Variants in GRM8 observed in about 807,000 individuals in gnomAD.
GRM8 encodes glutamate metabotropic receptor 8, also known as metabotropic glutamate receptor 8.
GRM8 carries 47 observed loss-of-function variants against 87.2 expected under a neutral mutation model. The observed-to-expected ratio is 0.54, with a 90% CI of 0.43 to 0.69. GRM8 has a LOEUF of 0.69. GRM8 is among the 30% of genes least tolerant of loss of function. The pLI is 0.00. For missense variants in GRM8, 1,019 were observed against 1,139.2 expected (o/e 0.89, Z 1.52); for synonymous variants, 396 against 404.5 (o/e 0.98, Z 0.25).
At position 126,816,900 on chromosome 7, in the gene GRM8, C is replaced by T. The variant is rs78362363; in HGVS notation, c.1157-46835G>A. 8.6e-4 allele frequency among the ~76,000 whole-genome samples: 131 copies of T among 152,112 alleles called. 5 individuals carry two copies. The highest frequency in any genetic ancestry group is 7.7e-4 in the East Asian group (4 of 5,188). ...TTTTTATCCATAGTCCTTCTATTCA[C>T]GCTTCCATTATATTTTGTTTGAAGA... On this transcript the variant is annotated intron_variant, in intron 6 of 10. Coordinates refer to ENST00000339582, the MANE Select transcript of GRM8 (RefSeq NM_000845.3).
At chr7:126,946,617 C>A (rs1420072456) in intron 3 of GRM8, among the ~76,000 whole-genome samples, 1 of 152,176 alleles carries the variant, frequency 6.6e-6, no homozygotes, top group Admixed American at 6.5e-5. Context: ...CTAGCCAAAG[C>A]TATTCTATAC....
chr7:127,121,423 C>T (rs1827077933), intron 2 of GRM8, among the ~76,000 whole-genome samples: 1 of 152,136 alleles, frequency 6.6e-6, no homozygotes, highest in Non-Finnish European at 1.5e-5. Flanking sequence ...CTCAAAGAAG[C>T]TCATTTCCCA....
At chr7:126,759,590 G>C (rs1012297868) in intron 7 of GRM8, among the ~76,000 whole-genome samples, 1 of 152,034 alleles carries the variant, frequency 6.6e-6, no homozygotes, top group East Asian at 1.9e-4. Context: ...ATACCCTGTT[G>C]GTTGGTGCTG....
chr7:126,615,673 G>A (rs2151120398), intron 7 of GRM8, among the ~76,000 whole-genome samples: 2 of 152,258 alleles, frequency 1.3e-5, no homozygotes, highest in South Asian at 4.1e-4. Context: ...TAAAGGGATG[G>A]AGGAAGATCT....
chr7:126,626,993 T>C lies in GRM8; in HGVS notation c.1358-17495A>G, dbSNP rs73224992. 6.3e-3 allele frequency among the ~76,000 whole-genome samples: 959 copies of C among 152,350 alleles called. 4 individuals are homozygous for C. Among genetic ancestry groups the C allele is most frequent in the Admixed American group, 0.013 (199 of 15,300 alleles). On this transcript the variant is annotated intron_variant, in intron 7 of 10. Transcript: ENST00000339582. ...TCTTTATATTGTCTTCCTAACCATG[T>C]GTATTGCTTGCTTCCATTATTTAGA...
chr7:126,854,996 T>A lies in GRM8; in HGVS notation c.1156+47546A>T, dbSNP rs564063403. Among the ~76,000 whole-genome samples, 13 of 152,320 alleles carry A rather than the reference T, an allele frequency of 8.5e-5. No individual in the cohort carries two copies. The East Asian group carries it at 2.5e-3, about 29-fold the overall frequency. On this transcript the variant is annotated intron_variant, in intron 6 of 10. Coordinates refer to ENST00000339582, the MANE Select transcript of GRM8 (RefSeq NM_000845.3). The stretch of plus-strand genomic sequence containing the variant: ...ATAGAAGTGGTGAAAGTGGGCATCC[T>A]TGTCTTGTTCCAGCTCTCAGGGGGA...
intron 1 of GRM8, among the ~76,000 whole-genome samples, chr7:127,250,396 C>G (rs571066946): frequency 3.0e-4 from 46 of 152,216 alleles, no homozygotes; most frequent in Admixed American, 8.5e-4. Context: ...ACAATCCAAA[C>G]AGAACAAATT....
Position 126,989,942 on chromosome 7 carries a change from C to A in GRM8, c.728-85259G>T, listed in dbSNP as rs888594193. ...CTCCAGCCTGGGTGACAGAGCAAGACCCTGACTCAAAAAAAAAATGGGGGA... is the reference window on the plus strand; with the variant it reads ...CTCCAGCCTGGGTGACAGAGCAAGAACCTGACTCAAAAAAAAAATGGGGGA... On this transcript the variant is annotated intron_variant, in intron 3 of 10. Coordinates refer to ENST00000339582, the MANE Select transcript of GRM8 (RefSeq NM_000845.3). 4.6e-5 allele frequency among the ~76,000 whole-genome samples: 7 copies of A among 150,704 alleles called. No homozygotes were observed. In the South Asian group the frequency reaches 6.2e-4, roughly 13 times the overall value.
chr7:126,508,405 T>C (rs975047884), intron 9 of GRM8, among the ~76,000 whole-genome samples: 3 of 151,984 alleles, frequency 2.0e-5, no homozygotes, highest in African/African-American at 7.2e-5. Flanking sequence ...AGCCCATTCC[T>C]AAAAGCCCAT....
At chr7:127,089,676 T>C (rs1296237209) in intron 3 of GRM8, among the ~76,000 whole-genome samples, 2 of 152,216 alleles carry the variant, frequency 1.3e-5, no homozygotes, top group Non-Finnish European at 2.9e-5. Context: ...AATTGCCTCA[T>C]AGGCTTACAT....
intron 10 of GRM8, among the ~76,000 whole-genome samples, chr7:126,444,602 A>G (rs1274127785): frequency 6.6e-6 from 1 of 152,096 alleles, no homozygotes; most frequent in Non-Finnish European, 1.5e-5. Context: ...TGTCTAATTA[A>G]GCAATGCTAA....
chr7:127,008,180 A>T (rs1303634387), intron 3 of GRM8, among the ~76,000 whole-genome samples: 4 of 152,050 alleles, frequency 2.6e-5, no homozygotes, highest in African/African-American at 9.7e-5. Flanking sequence ...ATTATATGAT[A>T]CAAAGAGTAT....
At chr7:126,755,989 C>A (rs374003451) in intron 7 of GRM8, among the ~76,000 whole-genome samples, 14 of 151,878 alleles carry the variant, frequency 9.2e-5, no homozygotes, top group African/African-American at 1.9e-4. Flanking sequence ...TTTATTTCAT[C>A]ATTTAGACAA....
intron 2 of GRM8, among the ~76,000 whole-genome samples, chr7:127,113,891 G>C (rs1826538686): frequency 6.6e-6 from 1 of 152,122 alleles, no homozygotes; most frequent in Admixed American, 6.5e-5. Flanking sequence ...AGATATAAAT[G>C]AGGAGTTAGG....
At chr7:126,999,300 T>C (rs1813489378) in intron 3 of GRM8, among the ~76,000 whole-genome samples, 1 of 151,762 alleles carries the variant, frequency 6.6e-6, no homozygotes, top group Non-Finnish European at 1.5e-5. Flanking sequence ...TAAGAAAACA[T>C]TGGGGAAAAT....
At chr7:127,187,891 C>G (rs1295294715) in intron 2 of GRM8, among the ~76,000 whole-genome samples, 2 of 152,184 alleles carry the variant, frequency 1.3e-5, no homozygotes, top group African/African-American at 4.8e-5. Flanking sequence ...TACAATGGGG[C>G]TGAAAGAATC....
intron 9 of GRM8, among the ~76,000 whole-genome samples, chr7:126,471,062 T>C (rs1242709223): frequency 6.6e-6 from 1 of 152,214 alleles, no homozygotes; most frequent in Non-Finnish European, 1.5e-5. Flanking sequence ...GTAAATTTGT[T>C]TGAGTTCATT....
At chr7:126,916,719 G>A (rs1204947639) in intron 3 of GRM8, among the ~76,000 whole-genome samples, 5 of 152,208 alleles carry the variant, frequency 3.3e-5, no homozygotes, top group Non-Finnish European at 5.9e-5. Flanking sequence ...TAAGAAAGAA[G>A]AAACTGATAG....
At chr7:126,863,688 T>C (rs1013364956) in intron 6 of GRM8, among the ~76,000 whole-genome samples, 1 of 152,200 alleles carries the variant, frequency 6.6e-6, no homozygotes, top group South Asian at 2.1e-4. Context: ...CAGTGAGTTA[T>C]TGAAGTCTTC....
Sources: gnomAD v4.1 joint callset for allele counts (sites outside exome capture counted in the v4.1 genomes callset) on GRCh38, gnomAD v4.1.1 for gene constraint, MANE v1.5 for transcripts, NCBI Gene and HGNC (gene_info 2026-07-23, HGNC 2026-07-21) for gene names.